Variants in ARHGAP10 observed in about 807,000 individuals in gnomAD.
The protein encoded by ARHGAP10 is Rho GTPase activating protein 10, also known as rho GTPase-activating protein 10.
A neutral mutation model predicts 108.6 loss-of-function variants in ARHGAP10; 87 were observed. The ratio of observed to expected loss-of-function variants is 0.80; its 90% CI spans 0.67 to 0.96. The LOEUF (loss-of-function observed/expected upper bound fraction) is 0.96, where lower values mean the gene tolerates loss of function less well. Ranked by LOEUF, ARHGAP10 falls within the 40% of genes least tolerant of loss-of-function variation. The probability of loss-of-function intolerance (pLI) is 0.00; values close to 1 mark genes in which losing one functional copy is unlikely to be tolerated. For missense variants in ARHGAP10, 939 were observed against 954.5 expected, an observed-to-expected ratio of 0.98 and a Z score of 0.21; for synonymous variants, 347 against 341.1, an observed-to-expected ratio of 1.02 and a Z score of -0.19.
chr4:147,811,309 T>C (rs148575066), intron 1 of ARHGAP10, among the ~76,000 whole-genome samples: 103 of 152,354 alleles, frequency 6.8e-4, no homozygotes, highest in African/African-American at 2.4e-3. Context: ...TTTTAACACA[T>C]TGGCTTCTGA....
intron 18 of ARHGAP10, among the ~76,000 whole-genome samples, chr4:147,967,097 A>G (rs1255933043): frequency 6.6e-6 from 1 of 152,218 alleles, no homozygotes; most frequent in Admixed American, 6.5e-5. Flanking sequence ...AGTGAATATC[A>G]AGGCAATTGT....
chr4:147,743,654 G>C (rs1456335891), intron 1 of ARHGAP10, among the ~76,000 whole-genome samples: 1 of 152,156 alleles, frequency 6.6e-6, no homozygotes, highest in African/African-American at 2.4e-5. Context: ...GTGCATGCCT[G>C]TAATCCCAGC....
intron 20 of ARHGAP10, among the ~76,000 whole-genome samples, chr4:148,062,305 G>A (rs989237012): frequency 2.0e-5 from 3 of 152,148 alleles, no homozygotes; most frequent in African/African-American, 7.2e-5. Context: ...CAGAAGCCTC[G>A]GGAAACTGCT....
At chr4:147,875,209 T>A (rs1735010002) in intron 8 of ARHGAP10, 59 bp downstream of exon 8, 1 of 1,477,920 alleles carries the variant, frequency 6.8e-7, no homozygotes, top group African/African-American at 1.4e-5. Flanking sequence ...TATTGAAAAC[T>A]CTGCTATTCT....
At chr4:147,826,971 C>G (rs957986907) in intron 3 of ARHGAP10, among the ~76,000 whole-genome samples, 2 of 152,144 alleles carry the variant, frequency 1.3e-5, no homozygotes, top group African/African-American at 4.8e-5. Context: ...AAGTCACTTT[C>G]AATCTATAGG....
intron 19 of ARHGAP10, among the ~76,000 whole-genome samples, chr4:148,043,660 G>C (rs1254564075): frequency 1.5e-5 from 1 of 68,060 alleles, no homozygotes; most frequent in Non-Finnish European, 3.4e-5. Flanking sequence ...TATTTTAGGT[G>C]TATAAATATA....
chr4:147,762,430 T>C (rs1459438654), intron 1 of ARHGAP10, among the ~76,000 whole-genome samples: 1 of 152,124 alleles, frequency 6.6e-6, no homozygotes, highest in Non-Finnish European at 1.5e-5. Flanking sequence ...AATTATAGCC[T>C]AGTGGAGGTT....
At position 147,856,422 on chromosome 4, in the gene ARHGAP10, T is replaced by C. The variant is rs189615091; in HGVS notation, c.385-1131T>C. 1.9e-3 allele frequency among the ~76,000 whole-genome samples: 292 copies of C among 152,338 alleles called. 4 individuals are homozygous for C. Among genetic ancestry groups the C allele is most frequent in the Non-Finnish European group, 6.6e-4 (45 of 68,028 alleles). On this transcript the variant is annotated intron_variant, in intron 4 of 22. Transcript: ENST00000336498. ...ATGACATTTCTGGTAGACAATCTTATTGCTATACAGGTCGATCATCCTGAA... is the reference window on the plus strand; with the variant it reads ...ATGACATTTCTGGTAGACAATCTTACTGCTATACAGGTCGATCATCCTGAA...
At chr4:147,885,531 G>T (rs1735511709) in intron 10 of ARHGAP10, among the ~76,000 whole-genome samples, 1 of 152,154 alleles carries the variant, frequency 6.6e-6, no homozygotes. Context: ...GACTTGGGTG[G>T]GGACACAGCC....
chr4:147,918,133 A>ATTTTTTT lies in ARHGAP10; in HGVS notation c.1228+5008_1228+5014dup, dbSNP rs760617123. ...AAAAATAATTTAAACTCTCATTAAG[A>ATTTTTTT]TTTTTTTTTTTTTTTTTTTTGAGAC... On this transcript the variant is annotated intron_variant, in intron 13 of 22. Transcript: ENST00000336498. Among the ~76,000 whole-genome samples the ATTTTTTT allele has an allele frequency of 1.0e-2, 1,293 of 129,878 alleles. 70 individuals carry two copies. The highest frequency in any genetic ancestry group is 0.036 in the African/African-American group (1,116 of 31,266). The allele number at this position is 129,878 out of a possible 152,430, so 85.2% of individuals were successfully genotyped here.
intron 1 of ARHGAP10, among the ~76,000 whole-genome samples, chr4:147,754,346 T>C (rs563116555): frequency 1.3e-5 from 2 of 152,328 alleles, no homozygotes; most frequent in South Asian, 4.1e-4. Flanking sequence ...TCCTGCTGAG[T>C]ACTTTGATGC....
intron 18 of ARHGAP10, among the ~76,000 whole-genome samples, chr4:147,971,153 CT>C (rs1739393305): frequency 6.6e-6 from 1 of 150,996 alleles, no homozygotes; most frequent in South Asian, 2.1e-4. Context: ...GTCTTTCTTC[CT>C]TTGTTAACGA....
intron 3 of ARHGAP10, among the ~76,000 whole-genome samples, chr4:147,826,512 G>A (rs956812968): frequency 6.6e-6 from 1 of 152,138 alleles, no homozygotes; most frequent in Non-Finnish European, 1.5e-5. Flanking sequence ...CCAAAGCTGG[G>A]GTGGGTGGCA....
chr4:147,786,413 T>A (rs894813758), intron 1 of ARHGAP10, among the ~76,000 whole-genome samples: 2 of 152,150 alleles, frequency 1.3e-5, no homozygotes, highest in Admixed American at 6.6e-5. Flanking sequence ...GAAAAGCAGC[T>A]TAGTTCTTAG....
At chr4:147,756,122 C>T (rs1729361716) in intron 1 of ARHGAP10, among the ~76,000 whole-genome samples, 1 of 137,876 alleles carries the variant, frequency 7.3e-6, no homozygotes. Context: ...CACCCACTTA[C>T]TAGGAGGCAA....
chr4:147,840,805 C>T lies in ARHGAP10; in HGVS notation c.313-6346C>T, dbSNP rs62330697. ...AGTCCCTCTCTTTAGCTCGAGAGCT[C>T]CTTGAACTGTGATTCTTTTATCCAG... On this transcript the variant is annotated intron_variant, in intron 3 of 22. Transcript: ENST00000336498. 4.8e-3 allele frequency among the ~76,000 whole-genome samples: 737 copies of T among 152,304 alleles called. 5 individuals are homozygous for T. The highest frequency in any genetic ancestry group is 7.1e-3 in the Non-Finnish European group (484 of 68,034).
At chr4:148,068,169 T>TCCA (rs1157565172) in intron 22 of ARHGAP10, among the ~76,000 whole-genome samples, 2 of 152,046 alleles carry the variant, frequency 1.3e-5, no homozygotes, top group African/African-American at 4.8e-5. Flanking sequence ...AGATGGGCAG[T>TCCA]GGTTGCCTCC....
chr4:147,823,009 A>T, intron 3 of ARHGAP10, 52 bp downstream of exon 3: 1 of 1,542,428 alleles, frequency 6.5e-7, no homozygotes, highest in Non-Finnish European at 9.0e-7. Context: ...GGGGAAAAAA[A>T]TCTGGATTTG....
At chr4:147,793,764 C>T (rs1399602718) in intron 1 of ARHGAP10, among the ~76,000 whole-genome samples, 9 of 152,120 alleles carry the variant, frequency 5.9e-5, no homozygotes, top group Middle Eastern at 3.2e-3. Flanking sequence ...ACAAATCATC[C>T]GTGCCTGTGT....
Sources: allele counts gnomAD v4.1 joint callset (sites outside exome capture counted in the v4.1 genomes callset), GRCh38; gene constraint gnomAD v4.1.1; transcripts MANE v1.5; gene names NCBI Gene and HGNC (gene_info 2026-07-23, HGNC 2026-07-21).